ZFYVE9: variants seen among roughly 807,000 people sequenced by gnomAD.
ZFYVE9 encodes zinc finger FYVE domain-containing protein 9.
In ZFYVE9, 43 loss-of-function variants were observed where a neutral mutation model predicts 126.7. The observed-to-expected ratio is 0.34, with a 90% confidence interval of 0.27 to 0.44. The LOEUF (loss-of-function observed/expected upper bound fraction) is 0.44, where lower values mean the gene tolerates loss of function less well. Ranked by LOEUF, ZFYVE9 falls within the 20% of genes least tolerant of loss-of-function variation. The pLI is 1.00. For missense variants in ZFYVE9, 1,476 were observed against 1,697.0 expected (o/e 0.87, Z 2.29); for synonymous variants, 521 against 597.4 (o/e 0.87, Z 1.87).
chr1:52,226,602 C>T (rs72893975), intron 2 of ZFYVE9, among the ~76,000 whole-genome samples: 5,636 of 152,266 alleles, frequency 0.037, 265 homozygotes, highest in African/African-American at 0.11. Context: ...TGAGGACTCT[C>T]GTACCCTTAC....
intron 6 of ZFYVE9, 65 bp downstream of exon 6, chr1:52,266,896 T>A: frequency 1.4e-6 from 2 of 1,419,318 alleles, no homozygotes; most frequent in Non-Finnish European, 1.9e-6. Flanking sequence ...GGTGCTGATA[T>A]GACTTTACAG....
chr1:52,329,418 A>G (rs1310974021), intron 13 of ZFYVE9, among the ~76,000 whole-genome samples: 2 of 152,212 alleles, frequency 1.3e-5, no homozygotes, highest in Non-Finnish European at 2.9e-5. Context: ...ATCTTTCGTG[A>G]CCTTGGATTT....
intron 13 of ZFYVE9, among the ~76,000 whole-genome samples, chr1:52,314,198 T>G (rs1646162087): frequency 6.6e-6 from 1 of 152,138 alleles, no homozygotes; most frequent in African/African-American, 2.4e-5. Flanking sequence ...AAAATTCACA[T>G]AAAGAGAACC....
At chr1:52,184,487 C>G (rs915130898) in intron 1 of ZFYVE9, among the ~76,000 whole-genome samples, 55 of 144,926 alleles carry the variant, frequency 3.8e-4, no homozygotes, top group African/African-American at 1.4e-3. Context: ...CTCAGGTGAT[C>G]CACCTGCCTT....
At chr1:52,177,435 T>C (rs902523505) in intron 1 of ZFYVE9, among the ~76,000 whole-genome samples, 2 of 152,218 alleles carry the variant, frequency 1.3e-5, no homozygotes, top group Non-Finnish European at 2.9e-5. Context: ...CGTGAGCCAC[T>C]GCACCTGGCC....
intron 13 of ZFYVE9, among the ~76,000 whole-genome samples, chr1:52,330,955 C>T (rs1646335629): frequency 1.3e-5 from 2 of 152,146 alleles, no homozygotes; most frequent in African/African-American, 4.8e-5. Flanking sequence ...CAGCCTCCAC[C>T]TGTTGGGGTA....
Position 52,327,400 on chromosome 1 carries a change from G to A in ZFYVE9, c.3439-5368G>A, listed in dbSNP as rs1167765931. Among the ~76,000 whole-genome samples the A allele has an allele frequency of 9.9e-5, 15 of 151,396 alleles. 1 individual carries two copies. Among genetic ancestry groups the A allele is most frequent in the African/African-American group, 3.2e-4 (13 of 41,180 alleles). ...GGGCAGATCACAAGGTCAGGAGTTC[G>A]AAACCAGCTTGGCCAATATGGTGAA... On this transcript the variant is annotated intron_variant, in intron 13 of 18. Transcript: ENST00000287727.
chr1:52,171,290 AT>A (rs1268214314), intron 1 of ZFYVE9, among the ~76,000 whole-genome samples: 1 of 151,968 alleles, frequency 6.6e-6, no homozygotes, highest in African/African-American at 2.4e-5. Context: ...GAGAATGATG[AT>A]TTCCAATTTC....
At chr1:52,278,382 A>G in intron 8 of ZFYVE9, 110 bp from the exon 9 acceptor site, 1 of 1,412,160 alleles carries the variant, frequency 7.1e-7, no homozygotes, top group South Asian at 1.2e-5. Flanking sequence ...ACCTATTGAT[A>G]AATCAAATGC....
intron 1 of ZFYVE9, among the ~76,000 whole-genome samples, chr1:52,189,490 G>A (rs1002273935): frequency 6.6e-6 from 1 of 151,986 alleles, no homozygotes; most frequent in African/African-American, 2.4e-5. Context: ...ACCCACCTCG[G>A]CCTCCCAAAG....
intron 1 of ZFYVE9, chr1:52,180,611 TAAAG>T: frequency 1.8e-6 from 1 of 543,140 alleles, no homozygotes; most frequent in Non-Finnish European, 3.3e-6. Flanking sequence ...TAAAAAAGGA[TAAAG>T]TAAGAATGAA....
intron 1 of ZFYVE9, chr1:52,162,689 C>A: frequency 6.8e-6 from 2 of 293,354 alleles, no homozygotes; most frequent in East Asian, 8.1e-5. Flanking sequence ...CTGGATTTGC[C>A]CTTCTGCCAG....
chr1:52,164,905 G>C (rs188018370), intron 1 of ZFYVE9, among the ~76,000 whole-genome samples: 4 of 152,306 alleles, frequency 2.6e-5, no homozygotes, highest in Admixed American at 2.6e-4. Flanking sequence ...AGACAAAGCA[G>C]AATGGTGTCT....
chr1:52,217,495 G>A (rs1484446957), intron 2 of ZFYVE9, among the ~76,000 whole-genome samples: 1 of 152,162 alleles, frequency 6.6e-6, no homozygotes, highest in Non-Finnish European at 1.5e-5. Flanking sequence ...TGATTATCAA[G>A]GTGCGAGAGC....
chr1:52,289,559 G>A (rs1645897349), intron 10 of ZFYVE9, among the ~76,000 whole-genome samples: 1 of 152,170 alleles, frequency 6.6e-6, no homozygotes, highest in Non-Finnish European at 1.5e-5. Flanking sequence ...TCATTACATT[G>A]AGTGCAGTCG....
At chr1:52,297,499 A>G (rs1051823709) in intron 12 of ZFYVE9, among the ~76,000 whole-genome samples, 3 of 151,840 alleles carry the variant, frequency 2.0e-5, no homozygotes, top group Admixed American at 1.3e-4. Context: ...TCAACCTCCT[A>G]AAGTGCTGGG....
At chr1:52,191,736 A>G (rs1219578611) in intron 1 of ZFYVE9, among the ~76,000 whole-genome samples, 1 of 152,112 alleles carries the variant, frequency 6.6e-6, no homozygotes, top group Non-Finnish European at 1.5e-5. Flanking sequence ...TTTCCATTAC[A>G]CCACATTGTC....
chr1:52,318,400 GTGTGTGT>G (rs1453475328), intron 13 of ZFYVE9, among the ~76,000 whole-genome samples: 70 of 149,988 alleles, frequency 4.7e-4, no homozygotes, highest in African/African-American at 1.7e-3. Context: ...GTGTGTGTGT[GTGTGTGT>G]GTGTGTGTAT....
rs751810746 is a variant in ZFYVE9 at position 52,344,867 on chromosome 1, C to G, written c.4039C>G (p.Leu1347Val). The change falls in exon 18 of 19, where the codon CTC becomes GTC. Residue 1347 changes from leucine to valine, a missense_variant. By Grantham distance (32) the Leu-to-Val change is conservative (BLOSUM62 1). This residue lies in a region of ZFYVE9 where 669 missense variants were observed against 902.4 expected (regional missense o/e 0.74). Coordinates refer to ENST00000287727, the MANE Select transcript of ZFYVE9 (RefSeq NM_004799.4). ...TGTTGCCAAAGCTTTTTGCCTTGCT[C>G]TCTGTCCTCACCTGAAACTTCTGAA... ...EHVAKAFCLA[L>V]CPHLKLLKED... 1.5e-5 allele frequency: 25 copies of G among 1,614,100 alleles called. No homozygotes were observed. The Admixed American group carries it at 3.7e-4, about 24-fold the overall frequency.
Sources: gnomAD v4.1 joint callset for allele counts (sites outside exome capture counted in the v4.1 genomes callset) on GRCh38, gnomAD v4.1.1 for gene constraint, gnomAD v4.1.1 regional missense constraint, MANE v1.5 for transcripts, NCBI Gene and HGNC (gene_info 2026-07-23, HGNC 2026-07-21) for gene names.